TBCEL: variants seen among roughly 807,000 people sequenced by gnomAD.
TBCEL encodes tubulin-specific chaperone cofactor E-like protein.
Under a neutral mutation model 44.2 loss-of-function variants are expected in TBCEL, and 15 were observed. The observed-to-expected ratio is 0.34, with a 90% CI of 0.23 to 0.52. The LOEUF is 0.52. Among genes scored for constraint, TBCEL ranks in the 20% least tolerant of loss-of-function variants. TBCEL has a pLI of 0.95. For synonymous variants in TBCEL, 171 were observed against 185.4 expected (o/e 0.92, Z 0.63); for missense variants, 319 against 506.3 (o/e 0.63, Z 3.55).
At chr11:121,082,813 G>A (rs951458577) in intron 8 of TBCEL, among the ~76,000 whole-genome samples, 3 of 152,196 alleles carry the variant, frequency 2.0e-5, no homozygotes, top group Non-Finnish European at 4.4e-5. Flanking sequence ...AGGGCACTGC[G>A]CACCTTTGTA....
intron 8 of TBCEL, among the ~76,000 whole-genome samples, chr11:121,061,640 T>C (rs1406603637): frequency 6.6e-6 from 1 of 152,096 alleles, no homozygotes; most frequent in Non-Finnish European, 1.5e-5. Flanking sequence ...CAATGGTAAG[T>C]ATTTGTGTAT....
intron 8 of TBCEL, among the ~76,000 whole-genome samples, chr11:121,073,851 T>TA (rs1448955233): frequency 1.3e-5 from 2 of 152,022 alleles, no homozygotes; most frequent in Non-Finnish European, 2.9e-5. Flanking sequence ...TAAATTTTAA[T>TA]ATGATACATT....
At chr11:121,085,359 G>C (rs940865931) in intron 8 of TBCEL, among the ~76,000 whole-genome samples, 1 of 152,152 alleles carries the variant, frequency 6.6e-6, no homozygotes. Flanking sequence ...TTTAATGGTT[G>C]TGTGTGCTTT....
In TBCEL at chr11:121,047,593, A is replaced by G. The variant is rs1182521708; in HGVS notation, c.199A>G (p.Lys67Glu). The G allele has an allele frequency of 6.2e-7, 1 of 1,612,876 alleles. No individual in the cohort carries two copies. Residue 67 changes from lysine to glutamate, a missense_variant, in exon 4 of 9, where the codon AAA (lysine) becomes GAA (glutamate). Physicochemically the swap from Lys to Glu is moderately conservative, Grantham distance 56. Coordinates refer to ENST00000683345, the MANE Select transcript of TBCEL (RefSeq NM_001363644.2). ...TGGAATAACCTGTGCAGGAGATGAAAAAGAAATTGCTGCTTTCTGCGCTCA... is the reference window on the plus strand; with the variant it reads ...TGGAATAACCTGTGCAGGAGATGAAGAAGAAATTGCTGCTTTCTGCGCTCA... ...SCGITCAGDE[K>E]EIAAFCAHVS... is the part of the protein sequence containing the mutation.
At chr11:121,027,377 T>A (rs765220052) in intron 1 of TBCEL, among the ~76,000 whole-genome samples, 1 of 152,332 alleles carries the variant, frequency 6.6e-6, no homozygotes, top group South Asian at 2.1e-4. Flanking sequence ...GTCTTTTGCT[T>A]GCATAGCTTC....
At chr11:121,066,242 C>T (rs2134978627) in intron 8 of TBCEL, among the ~76,000 whole-genome samples, 1 of 152,322 alleles carries the variant, frequency 6.6e-6, no homozygotes, top group South Asian at 2.1e-4. Flanking sequence ...CGTGCTTTGA[C>T]TTCTTTGCTG....
At chr11:121,085,158 C>T (rs906099495) in intron 8 of TBCEL, among the ~76,000 whole-genome samples, 2 of 152,062 alleles carry the variant, frequency 1.3e-5, no homozygotes, top group African/African-American at 4.8e-5. Context: ...TCTGCCTCCG[C>T]CTCCTGAGTA....
chr11:121,077,685 T>A (rs1049655740), intron 8 of TBCEL, among the ~76,000 whole-genome samples: 1 of 152,000 alleles, frequency 6.6e-6, no homozygotes, highest in Admixed American at 6.6e-5. Flanking sequence ...CTTTTTATAG[T>A]TTTTTTAAGC....
intron 8 of TBCEL, among the ~76,000 whole-genome samples, chr11:121,065,380 A>C (rs944521299): frequency 3.3e-5 from 5 of 152,314 alleles, no homozygotes; most frequent in African/African-American, 1.2e-4. Context: ...AGTGAGAATT[A>C]GAGATTGAGG....
intron 8 of TBCEL, among the ~76,000 whole-genome samples, chr11:121,066,233 G>A (rs1041192499): frequency 2.4e-4 from 37 of 152,282 alleles, no homozygotes; most frequent in African/African-American, 7.7e-4. Context: ...ACTTAAAGCC[G>A]TGCTTTGACT....
chr11:121,075,416 G>A (rs1421439421), intron 8 of TBCEL, among the ~76,000 whole-genome samples: 3 of 151,908 alleles, frequency 2.0e-5, no homozygotes, highest in Non-Finnish European at 4.4e-5. Flanking sequence ...GCATCATGTT[G>A]AATGATTCCT....
At chr11:121,085,937 T>G (rs1946208589) in intron 8 of TBCEL, among the ~76,000 whole-genome samples, 1 of 152,220 alleles carries the variant, frequency 6.6e-6, no homozygotes, top group Admixed American at 6.5e-5. Flanking sequence ...TGATCCTTAA[T>G]TAAAGTGACT....
chr11:121,081,980 GA>G lies in TBCEL; in HGVS notation c.957-4797del, dbSNP rs1470110598. ...ACCTATAAATTAATAAATAAACATT[GA>G]TTTTAAGATTTAAACAAGTGGAAAG... On this transcript the variant is annotated intron_variant, in intron 8 of 8. Coordinates refer to ENST00000683345, the MANE Select transcript of TBCEL (RefSeq NM_001363644.2). Among the ~76,000 whole-genome samples the G allele has an allele frequency of 2.0e-5, 3 of 152,134 alleles. No homozygotes were observed. In the South Asian group the frequency reaches 6.2e-4, roughly 32 times the overall value.
In TBCEL at chr11:121,044,332, C is replaced by T. The variant is rs778164107; in HGVS notation, c.-17-1342C>T. 1.1e-4 allele frequency among the ~76,000 whole-genome samples: 16 copies of T among 151,970 alleles called. No homozygotes were observed. In the East Asian group the frequency reaches 1.4e-3, roughly 13 times the overall value. Reference sequence around the variant, plus strand: ...TTCCTTAAAACCTTTCAGTTTTTTCCGTTTCCTGTAGGATAACATTAAACC... The same window carrying T: ...TTCCTTAAAACCTTTCAGTTTTTTCTGTTTCCTGTAGGATAACATTAAACC... On this transcript the variant is annotated intron_variant, in intron 2 of 8. Coordinates refer to ENST00000683345, the MANE Select transcript of TBCEL (RefSeq NM_001363644.2).
At chr11:121,062,493 A>G (rs1012970499) in intron 8 of TBCEL, among the ~76,000 whole-genome samples, 2 of 152,090 alleles carry the variant, frequency 1.3e-5, no homozygotes, top group Non-Finnish European at 2.9e-5. Flanking sequence ...TTGCGTTATG[A>G]TGCTAAGATG....
At chr11:121,030,335 T>G (rs1945121580) in intron 1 of TBCEL, among the ~76,000 whole-genome samples, 2 of 152,160 alleles carry the variant, frequency 1.3e-5, no homozygotes, top group African/African-American at 2.4e-5. Context: ...ATGAAGAGAT[T>G]GGATTTTATT....
chr11:121,041,495 A>T (rs1945332784), intron 2 of TBCEL, among the ~76,000 whole-genome samples: 1 of 152,128 alleles, frequency 6.6e-6, no homozygotes. Flanking sequence ...ATCACCAAAG[A>T]TCCCTGGCTC....
chr11:121,028,395 CAAAT>C (rs1945083635), intron 1 of TBCEL, among the ~76,000 whole-genome samples: 1 of 152,054 alleles, frequency 6.6e-6, no homozygotes, highest in Admixed American at 6.6e-5. Flanking sequence ...AGTAGGTACT[CAAAT>C]AACTTTTCAG....
intron 6 of TBCEL, 22 bp downstream of exon 6, chr11:121,055,330 A>C: frequency 6.4e-7 from 1 of 1,558,252 alleles, no homozygotes; most frequent in Non-Finnish European, 8.7e-7. Context: ...GCTTGTTCTT[A>C]TTCTACATGC....
Sources: allele counts gnomAD v4.1 joint callset (sites outside exome capture counted in the v4.1 genomes callset), GRCh38; gene constraint gnomAD v4.1.1; transcripts MANE v1.5; gene names NCBI Gene and HGNC (gene_info 2026-07-23, HGNC 2026-07-21).